Variants in DYM observed in about 807,000 individuals in gnomAD.
DYM encodes the protein dymeclin, also known as dyggve-Melchior-Clausen syndrome protein.
A neutral mutation model predicts 93.1 loss-of-function variants in DYM; 78 were observed. The observed-to-expected ratio is 0.84, with a 90% CI of 0.70 to 1.01. DYM has a LOEUF of 1.01. Among genes scored for constraint, DYM ranks in the 50% least tolerant of loss-of-function variants. The pLI, the probability that DYM is intolerant of heterozygous loss-of-function variation, is 0.00. For synonymous variants in DYM, 321 were observed against 319.7 expected, an observed-to-expected ratio of 1.00 and a Z score of -0.04; for missense variants, 789 against 845.0, an observed-to-expected ratio of 0.93 and a Z score of 0.82.
intron 2 of DYM, among the ~76,000 whole-genome samples, chr18:49,417,699 G>A (rs2073149165): frequency 6.6e-6 from 1 of 152,148 alleles, no homozygotes; most frequent in Admixed American, 6.5e-5. Context: ...GTGCATATTT[G>A]TTTGCATATG....
intron 15 of DYM, among the ~76,000 whole-genome samples, chr18:49,144,330 T>G (rs1028211269): frequency 1.3e-5 from 2 of 151,992 alleles, no homozygotes; most frequent in Admixed American, 6.6e-5. Flanking sequence ...GCAAGACTAC[T>G]TCATAGATGG....
chr18:49,296,369 T>A (rs1195541339), intron 8 of DYM, among the ~76,000 whole-genome samples: 1 of 152,222 alleles, frequency 6.6e-6, no homozygotes, highest in African/African-American at 2.4e-5. Context: ...AAATGTGTAT[T>A]TGCTGCCTAT....
intron 15 of DYM, among the ~76,000 whole-genome samples, chr18:49,145,497 C>T (rs959828424): frequency 6.6e-5 from 10 of 152,050 alleles, no homozygotes; most frequent in Non-Finnish European, 1.0e-4. Context: ...TCAAAGAAGT[C>T]GAGTTTCATT....
In DYM at chr18:49,054,310, C is replaced by T. The variant is rs571636774; in HGVS notation, c.2026-10106G>A. On this transcript the variant is annotated intron_variant, in intron 17 of 17. Coordinates refer to ENST00000675505, the MANE Select transcript of DYM (RefSeq NM_001353214.3). Reference sequence around the variant, plus strand: ...AAGCTGGAGTGCAGTGGTGCGATCTCGGCTCACTGCAACCTCTGCCTCCCG... The same window carrying T: ...AAGCTGGAGTGCAGTGGTGCGATCTTGGCTCACTGCAACCTCTGCCTCCCG... Among the ~76,000 whole-genome samples, 13 of 152,244 alleles carry T rather than the reference C, an allele frequency of 8.5e-5. No homozygotes were observed. In the South Asian group the frequency reaches 1.2e-3, roughly 15 times the overall value.
chr18:49,447,869 G>C (rs1268229029), intron 1 of DYM, among the ~76,000 whole-genome samples: 1 of 152,162 alleles, frequency 6.6e-6, no homozygotes, highest in East Asian at 1.9e-4. Context: ...GCGTCTTTGT[G>C]ATTTTCTAAG....
intron 16 of DYM, among the ~76,000 whole-genome samples, chr18:49,100,999 C>T (rs759192359): frequency 6.6e-6 from 1 of 152,194 alleles, no homozygotes; most frequent in African/African-American, 2.4e-5. Context: ...GACTGCAACA[C>T]CAGCAAAGAA....
intron 2 of DYM, among the ~76,000 whole-genome samples, chr18:49,398,050 T>C (rs2070329313): frequency 6.6e-6 from 1 of 152,174 alleles, no homozygotes; most frequent in African/African-American, 2.4e-5. Context: ...ACTTACTAAC[T>C]ATAGTGAATA....
chr18:49,140,577 G>C lies in DYM; in HGVS notation c.1729-21651C>G, dbSNP rs531775805. 9.9e-5 allele frequency among the ~76,000 whole-genome samples: 15 copies of C among 152,224 alleles called. No homozygotes were observed. The East Asian group carries it at 1.5e-3, about 16-fold the overall frequency. The stretch of plus-strand genomic sequence containing the variant: ...TCTGATACGAATTTTAAAAAGTCAA[G>C]ACATTTAGCAACTATAAGGTTTATT... On this transcript the variant is annotated intron_variant, in intron 15 of 17. Transcript: ENST00000675505.
At chr18:49,328,240 G>A (rs1568257765) in intron 8 of DYM, among the ~76,000 whole-genome samples, 1 of 152,170 alleles carries the variant, frequency 6.6e-6, no homozygotes, top group Non-Finnish European at 1.5e-5. Flanking sequence ...AATGATGCAT[G>A]TACATAAGTT....
chr18:49,112,870 G>C (rs534167590), intron 16 of DYM, among the ~76,000 whole-genome samples: 55 of 152,120 alleles, frequency 3.6e-4, no homozygotes, highest in Non-Finnish European at 7.2e-4. Flanking sequence ...TCTGTCCCCA[G>C]ATAGCTGCAT....
intron 16 of DYM, among the ~76,000 whole-genome samples, chr18:49,111,326 A>G (rs937794604): frequency 6.6e-6 from 1 of 152,148 alleles, no homozygotes; most frequent in Admixed American, 6.5e-5. Context: ...TTTGAAACTG[A>G]TAAATCATAA....
intron 1 of DYM, among the ~76,000 whole-genome samples, chr18:49,446,877 G>A (rs771587080): frequency 3.9e-5 from 6 of 151,946 alleles, no homozygotes; most frequent in African/African-American, 7.3e-5. Flanking sequence ...TGGCCAACAC[G>A]GTGAAATTCC....
At chr18:49,424,223 G>A (rs901413027) in intron 2 of DYM, among the ~76,000 whole-genome samples, 4 of 152,016 alleles carry the variant, frequency 2.6e-5, no homozygotes, top group Middle Eastern at 3.2e-3. Context: ...TTCATCCCTG[G>A]GATGCAAGGC....
chr18:49,281,710 A>G (rs911043750), intron 10 of DYM, among the ~76,000 whole-genome samples: 1 of 152,156 alleles, frequency 6.6e-6, no homozygotes, highest in Non-Finnish European at 1.5e-5. Context: ...AGGACAAAAA[A>G]CCAGACACTG....
chr18:49,338,136 G>C (rs917053914), intron 6 of DYM, among the ~76,000 whole-genome samples: 4 of 152,164 alleles, frequency 2.6e-5, no homozygotes, highest in Admixed American at 2.0e-4. Context: ...GATCAACTTT[G>C]AAAGATAAAT....
intron 17 of DYM, among the ~76,000 whole-genome samples, chr18:49,091,684 G>C (rs574602211): frequency 6.6e-6 from 1 of 152,280 alleles, no homozygotes; most frequent in Admixed American, 6.5e-5. Flanking sequence ...CCTAGGGGAT[G>C]CTGATGATGC....
chr18:49,137,971 A>C (rs2084033767), intron 15 of DYM, among the ~76,000 whole-genome samples: 1 of 152,230 alleles, frequency 6.6e-6, no homozygotes, highest in South Asian at 2.1e-4. Flanking sequence ...ACTGGGAGTT[A>C]GGTGAACAAG....
chr18:49,128,782 C>T (rs975071383), intron 15 of DYM, among the ~76,000 whole-genome samples: 2 of 152,056 alleles, frequency 1.3e-5, no homozygotes, highest in Non-Finnish European at 2.9e-5. Flanking sequence ...ATTTAGATTA[C>T]CCTGCCACCA....
intron 17 of DYM, among the ~76,000 whole-genome samples, chr18:49,060,256 T>A (rs998006171): frequency 6.6e-5 from 10 of 152,126 alleles, no homozygotes; most frequent in Admixed American, 2.6e-4. Flanking sequence ...ACCATCAGCC[T>A]CTGCCAGGTG....
Sources: gnomAD v4.1 joint callset for allele counts (sites outside exome capture counted in the v4.1 genomes callset) on GRCh38, gnomAD v4.1.1 for gene constraint, MANE v1.5 for transcripts, NCBI Gene and HGNC (gene_info 2026-07-23, HGNC 2026-07-21) for gene names.